The following MEI4 variants were observed in gnomAD, a reference collection of about 807,000 sequenced individuals.
MEI4 encodes the protein meiosis-specific protein MEI4.
A neutral mutation model predicts 31.4 loss-of-function variants in MEI4; 27 were observed. The observed-to-expected ratio is 0.86, with a 90% CI of 0.63 to 1.19. MEI4 has a LOEUF of 1.19. MEI4 is among the 50% of genes most tolerant of loss of function. The probability of loss-of-function intolerance (pLI) is 0.00; values close to 1 mark genes in which losing one functional copy is unlikely to be tolerated. For missense variants in MEI4, 329 were observed against 398.9 expected, an observed-to-expected ratio of 0.82 and a Z score of 1.49; for synonymous variants, 122 against 145.4, an observed-to-expected ratio of 0.84 and a Z score of 1.16.
chr6:77,805,852 A>G (rs1394199573), intron 3 of MEI4, among the ~76,000 whole-genome samples: 1 of 149,260 alleles, frequency 6.7e-6, no homozygotes, highest in Non-Finnish European at 1.5e-5. Flanking sequence ...TTACATGAAG[A>G]TTTTTTTTCT....
intron 3 of MEI4, among the ~76,000 whole-genome samples, chr6:77,797,980 A>G (rs1035715356): frequency 6.6e-6 from 1 of 152,162 alleles, no homozygotes; most frequent in African/African-American, 2.4e-5. Flanking sequence ...ACACAAGCCT[A>G]TGTATGTTCG....
At chr6:77,730,390 C>T (rs1401358403) in intron 2 of MEI4, among the ~76,000 whole-genome samples, 3 of 152,034 alleles carry the variant, frequency 2.0e-5, no homozygotes, top group Admixed American at 6.6e-5. Flanking sequence ...TGTTCGCCTT[C>T]TCTCATCCTG....
chr6:77,923,840 C>T lies in MEI4; in HGVS notation c.*494C>T, dbSNP rs6903264. The T allele has an allele frequency of 0.26, 39,786 of 151,574 alleles. 5,444 individuals carry two copies. Among genetic ancestry groups the T allele is most frequent in the East Asian group, 0.34 (1,762 of 5,136 alleles). 9.4% of individuals were successfully genotyped at this position (151,574 alleles called of 1,614,324 possible). On this transcript the variant is annotated 3_prime_UTR_variant, in exon 5 of 5. Coordinates refer to ENST00000684080, the MANE Select transcript of MEI4 (RefSeq NM_001322247.2). ...CTTATATCATTGCTTTCACCTTAGA[C>T]GAGAATCATATAGAAGTAGAACTTT... is the stretch of plus-strand genomic sequence containing the variant.
At chr6:77,776,149 GC>G (rs1245041240) in intron 3 of MEI4, among the ~76,000 whole-genome samples, 1 of 147,408 alleles carries the variant, frequency 6.8e-6, no homozygotes, top group African/African-American at 2.5e-5. Flanking sequence ...TGTTTACTCT[GC>G]TAATTGTTTT....
intron 4 of MEI4, among the ~76,000 whole-genome samples, chr6:77,880,121 A>C (rs1260071811): frequency 6.6e-6 from 1 of 152,090 alleles, no homozygotes; most frequent in Admixed American, 6.5e-5. Flanking sequence ...CTTAATGATT[A>C]TTTACACAGT....
chr6:77,826,788 G>T (rs1057188743), intron 3 of MEI4, among the ~76,000 whole-genome samples: 1 of 152,154 alleles, frequency 6.6e-6, no homozygotes, highest in Non-Finnish European at 1.5e-5. Flanking sequence ...CAACAGCACT[G>T]TGTAATTGGA....
rs1300118925 is a variant in MEI4, at chr6:77,923,243, A to T, written c.1055A>T (p.Glu352Val). ...AAGAAATTTCTTCAGAAGCATGATG[A>T]AACTATTTTCCAACTTTCTGATGCA... ...EIKKFLQKHD[E>V]TIFQLSDAFP... Residue 352 changes from glutamate to valine, a missense_variant, in exon 5 of 5, where the codon GAA becomes GTA. Physicochemically the swap from Glu to Val is moderately radical, Grantham distance 121. Coordinates refer to ENST00000684080, the MANE Select transcript of MEI4 (RefSeq NM_001322247.2). 8.1e-7 allele frequency: 1 copy of T among 1,230,440 alleles called. No homozygotes were observed. The highest frequency in any genetic ancestry group is 3.2e-5 in the East Asian group (1 of 31,652). The allele number at this position is 1,230,440 out of a possible 1,614,324, so 76.2% of individuals were successfully genotyped here.
intron 2 of MEI4, among the ~76,000 whole-genome samples, chr6:77,744,285 G>A (rs1315127404): frequency 3.9e-5 from 6 of 152,236 alleles, no homozygotes; most frequent in African/African-American, 1.4e-4. Context: ...GGAGCTGATG[G>A]AGCTGAAAGC....
At chr6:77,850,943 A>G (rs1383300023) in intron 4 of MEI4, among the ~76,000 whole-genome samples, 6 of 152,156 alleles carry the variant, frequency 3.9e-5, no homozygotes, top group Non-Finnish European at 8.8e-5. Flanking sequence ...TTTACAAGAA[A>G]AAAACGAACA....
At chr6:77,856,180 A>G (rs971757337) in intron 4 of MEI4, among the ~76,000 whole-genome samples, 25 of 152,190 alleles carry the variant, frequency 1.6e-4, no homozygotes, top group African/African-American at 6.0e-4. Context: ...ACAGTGAACA[A>G]GCTCTAATGA....
chr6:77,742,669 G>C lies in MEI4; in HGVS notation c.233-18461G>C, dbSNP rs987416052. 3.8e-4 allele frequency among the ~76,000 whole-genome samples: 58 copies of C among 152,132 alleles called. 1 individual carries two copies. Among genetic ancestry groups the C allele is most frequent in the African/African-American group, 1.4e-3 (58 of 41,414 alleles). ...TTTGGCTTTTGTTGCCATTGCTTTT[G>C]GTGTTTTAGACCTGAAGTCCTTGCC... is the stretch of plus-strand genomic sequence containing the variant. On this transcript the variant is annotated intron_variant, in intron 2 of 4. Coordinates refer to ENST00000684080, the MANE Select transcript of MEI4 (RefSeq NM_001322247.2).
intron 1 of MEI4, among the ~76,000 whole-genome samples, chr6:77,664,281 G>A (rs757117744): frequency 1.8e-4 from 28 of 152,236 alleles, no homozygotes; most frequent in East Asian, 3.9e-4. Context: ...AGAATAAGAC[G>A]GCCTTTTGAC....
intron 4 of MEI4, among the ~76,000 whole-genome samples, chr6:77,909,897 G>A (rs1415588304): frequency 6.6e-6 from 1 of 152,126 alleles, no homozygotes; most frequent in Non-Finnish European, 1.5e-5. Flanking sequence ...TGCAAGGCTG[G>A]TTCAACATAT....
chr6:77,732,423 T>C (rs1305143309), intron 2 of MEI4, among the ~76,000 whole-genome samples: 1 of 152,116 alleles, frequency 6.6e-6, no homozygotes, highest in East Asian at 1.9e-4. Flanking sequence ...GATTTGGCTC[T>C]ATGTTTGTCT....
At chr6:77,746,559 C>G (rs1287826558) in intron 2 of MEI4, among the ~76,000 whole-genome samples, 1 of 152,068 alleles carries the variant, frequency 6.6e-6, no homozygotes, top group Non-Finnish European at 1.5e-5. Flanking sequence ...CTCCAGCTTG[C>G]TGACTGCAGA....
At chr6:77,776,817 G>A (rs956507090) in intron 3 of MEI4, among the ~76,000 whole-genome samples, 5 of 152,140 alleles carry the variant, frequency 3.3e-5, no homozygotes, top group East Asian at 1.9e-4. Flanking sequence ...GCTAGGTCAT[G>A]GCAAGGAGTT....
At chr6:77,694,211 C>CTG (rs1769212838) in intron 2 of MEI4, among the ~76,000 whole-genome samples, 5 of 151,830 alleles carry the variant, frequency 3.3e-5, no homozygotes, top group Admixed American at 3.3e-4. Flanking sequence ...TCAAATGTAA[C>CTG]TGGGTGCCTG....
chr6:77,901,660 A>G (rs1399134074), intron 4 of MEI4, among the ~76,000 whole-genome samples: 1 of 151,932 alleles, frequency 6.6e-6, no homozygotes, highest in Non-Finnish European at 1.5e-5. Context: ...CCATTATGCA[A>G]GTTATTTCTT....
At chr6:77,802,963 T>C (rs1405390814) in intron 3 of MEI4, among the ~76,000 whole-genome samples, 1 of 152,162 alleles carries the variant, frequency 6.6e-6, no homozygotes, top group Non-Finnish European at 1.5e-5. Flanking sequence ...GAGTTGCTCT[T>C]CTCGAGGAGT....
Sources: gnomAD v4.1 joint callset for allele counts (sites outside exome capture counted in the v4.1 genomes callset) on GRCh38, gnomAD v4.1.1 for gene constraint, MANE v1.5 for transcripts, NCBI Gene and HGNC (gene_info 2026-07-23, HGNC 2026-07-21) for gene names.